ATXN7: variants seen among roughly 807,000 people sequenced by gnomAD.
ATXN7 encodes ataxin 7.
A neutral mutation model predicts 70.5 loss-of-function variants in ATXN7; 12 were observed. The ratio of observed to expected loss-of-function variants is 0.17; its 90% CI spans 0.11 to 0.28. The LOEUF (loss-of-function observed/expected upper bound fraction) is 0.28, where lower values mean the gene tolerates loss of function less well. Ranked by LOEUF, ATXN7 falls within the 10% of genes least tolerant of loss-of-function variation. The pLI is 1.00. For missense variants in ATXN7, 1,256 were observed against 1,131.7 expected (o/e 1.11, Z -1.58); for synonymous variants, 498 against 448.7 (o/e 1.11, Z -1.39).
At chr3:63,938,690 A>G (rs2074705447) in intron 4 of ATXN7, among the ~76,000 whole-genome samples, 1 of 152,232 alleles carries the variant, frequency 6.6e-6, no homozygotes, top group East Asian at 1.9e-4. Flanking sequence ...GTATTTATGG[A>G]ATGAGTGGAA....
At chr3:63,945,642 C>T (rs1458209510) in intron 4 of ATXN7, among the ~76,000 whole-genome samples, 1 of 152,196 alleles carries the variant, frequency 6.6e-6, no homozygotes. Context: ...TTTCTGTCAG[C>T]CAGGTTAGGC....
chr3:63,955,465 G>C (rs2075024485), intron 5 of ATXN7, among the ~76,000 whole-genome samples: 1 of 152,202 alleles, frequency 6.6e-6, no homozygotes, highest in Non-Finnish European at 1.5e-5. Context: ...TGGCCCTGGA[G>C]TGACACCCCA....
chr3:63,969,535 C>G (rs912396960), intron 5 of ATXN7, among the ~76,000 whole-genome samples: 1 of 152,122 alleles, frequency 6.6e-6, no homozygotes, highest in Admixed American at 6.5e-5. Context: ...TGAGTTTTAC[C>G]AGGTTCCTTT....
At chr3:63,869,242 T>G (rs1468492419) in intron 1 of ATXN7, among the ~76,000 whole-genome samples, 1 of 152,180 alleles carries the variant, frequency 6.6e-6, no homozygotes, top group Non-Finnish European at 1.5e-5. Context: ...TCTCTGGTTG[T>G]GTTCAACTTG....
chr3:63,996,690 G>C (rs1576007549), intron 12 of ATXN7: 1 of 616,204 alleles, frequency 1.6e-6, no homozygotes, highest in Non-Finnish European at 2.7e-6. Context: ...CAGAATTTCT[G>C]GTGCCTTTGG....
At chr3:63,997,505 A>AT in intron 12 of ATXN7, 1 of 817,166 alleles carries the variant, frequency 1.2e-6, no homozygotes, top group Non-Finnish European at 2.0e-6. Context: ...CTTAGGCTGT[A>AT]TTTTTGTCTC....
upstream of ATXN7, chr3:63,863,552 G>A (rs1444554289): frequency 3.3e-6 from 4 of 1,196,132 alleles, no homozygotes; most frequent in Non-Finnish European, 4.1e-6. Context: ...AAAGCCGAGG[G>A]TCTCCGAGGG....
intron 5 of ATXN7, among the ~76,000 whole-genome samples, chr3:63,974,338 A>G (rs772979013): frequency 1.3e-5 from 2 of 152,262 alleles, no homozygotes; most frequent in Non-Finnish European, 2.9e-5. Flanking sequence ...AGACTTGTAC[A>G]CTAACAACCT....
chr3:63,988,307 C>A lies in ATXN7; in HGVS notation c.1344C>A (p.His448Gln), dbSNP rs746797278. The part of the protein sequence containing the change: ...KPFVASKPKP[H>Q]TPSLPRPPGC... ...TTGTAGCTAGTAAACCTAAACCTCA[C>A]ACCCCCAGTCTTCCAAGGTAAGCCA... The change falls in exon 9 of 13, where the codon CAC (histidine) becomes CAA (glutamine). Residue 448 changes from histidine (H) to glutamine (Q), a missense_variant. His to Gln is a conservative substitution (Grantham distance 24, BLOSUM62 0). Coordinates refer to ENST00000674280, the MANE Select transcript of ATXN7 (RefSeq NM_001377405.1). The A allele has an allele frequency of 6.2e-7, 1 of 1,614,108 alleles. No individual in the cohort carries two copies. The highest frequency in any genetic ancestry group is 2.2e-5 in the East Asian group (1 of 44,862).
At chr3:63,930,043 C>G (rs1704886907) in intron 4 of ATXN7, among the ~76,000 whole-genome samples, 2 of 152,090 alleles carry the variant, frequency 1.3e-5, no homozygotes, top group Non-Finnish European at 2.9e-5. Context: ...TGGCAGGAAT[C>G]TAGGGTTTTG....
At chr3:63,956,420 CAAAAAAAAAAAAAA>C (rs1175948780) in intron 5 of ATXN7, among the ~76,000 whole-genome samples, 4 of 36,694 alleles carry the variant, frequency 1.1e-4, no homozygotes, top group Non-Finnish European at 1.5e-4. Context: ...GACTGCATCT[CAAAAAAAAAAAAAA>C]AAAAAAAAAA....
chr3:63,971,009 C>G (rs975702160), intron 5 of ATXN7, among the ~76,000 whole-genome samples: 2 of 152,124 alleles, frequency 1.3e-5, no homozygotes, highest in Non-Finnish European at 1.5e-5. Flanking sequence ...TGCACTTTCC[C>G]GTTAGGTTTT....
At chr3:63,863,620 G>C (rs1279156952), upstream of ATXN7, 1 of 1,198,850 alleles carries the variant, frequency 8.3e-7, no homozygotes. Flanking sequence ...GGAGGCCCGG[G>C]GCTCCGGGGA....
At chr3:63,928,959 A>G (rs1346706220) in intron 4 of ATXN7, among the ~76,000 whole-genome samples, 3 of 152,176 alleles carry the variant, frequency 2.0e-5, no homozygotes, top group Non-Finnish European at 4.4e-5. Context: ...CCTTGGGCCT[A>G]AAACCTTTGC....
At chr3:63,952,343 C>A in intron 4 of ATXN7, 36 bp from the exon 5 acceptor site, 1 of 1,524,964 alleles carries the variant, frequency 6.6e-7, no homozygotes, top group Non-Finnish European at 9.0e-7. Context: ...CAGTCAGAAC[C>A]AGATGAGTGA....
intron 4 of ATXN7, among the ~76,000 whole-genome samples, chr3:63,915,708 G>C (rs1410822312): frequency 2.7e-5 from 4 of 149,982 alleles, no homozygotes; most frequent in Admixed American, 6.6e-5. Flanking sequence ...TTTTGAGACG[G>C]TGTCTGACTG....
At chr3:63,923,887 A>G (rs1332516623) in intron 4 of ATXN7, among the ~76,000 whole-genome samples, 2 of 152,172 alleles carry the variant, frequency 1.3e-5, no homozygotes, top group Non-Finnish European at 2.9e-5. Context: ...TAATGCTGAC[A>G]AGGTTAGACT....
intron 1 of ATXN7, among the ~76,000 whole-genome samples, chr3:63,868,257 C>T (rs1035832683): frequency 1.3e-5 from 2 of 152,180 alleles, no homozygotes; most frequent in Non-Finnish European, 1.5e-5. Flanking sequence ...CAGTTTGAGT[C>T]AAAATAGACT....
chr3:63,979,295 T>C (rs992145859), intron 5 of ATXN7, among the ~76,000 whole-genome samples: 1 of 152,186 alleles, frequency 6.6e-6, no homozygotes, highest in Non-Finnish European at 1.5e-5. Flanking sequence ...CTATGCCATC[T>C]GTAGTCAAGT....
Sources: gnomAD v4.1 joint callset for allele counts (sites outside exome capture counted in the v4.1 genomes callset) on GRCh38, gnomAD v4.1.1 for gene constraint, MANE v1.5 for transcripts, NCBI Gene and HGNC (gene_info 2026-07-23, HGNC 2026-07-21) for gene names.